Variants in LONRF2 observed in about 807,000 individuals in gnomAD.
The protein encoded by LONRF2 is LON peptidase N-terminal domain and ring finger 2, also known as LON peptidase N-terminal domain and RING finger protein 2.
In LONRF2, 35 loss-of-function variants were observed where a neutral mutation model predicts 66.6. That is an observed-to-expected ratio of 0.53 (90% confidence interval 0.40 to 0.70). The LOEUF (loss-of-function observed/expected upper bound fraction) is 0.70. Among genes scored for constraint, LONRF2 ranks in the 30% least tolerant of loss-of-function variants. LONRF2 has a pLI of 0.00. For missense variants in LONRF2, 902 were observed against 1,002.1 expected, an observed-to-expected ratio of 0.90 and a Z score of 1.35; for synonymous variants, 417 against 418.1, an observed-to-expected ratio of 1.00 and a Z score of 0.03.
At chr2:100,295,797 T>C (rs1489177988) in intron 7 of LONRF2, among the ~76,000 whole-genome samples, 1 of 152,146 alleles carries the variant, frequency 6.6e-6, no homozygotes, top group Non-Finnish European at 1.5e-5. Context: ...TGACAGCATC[T>C]ACATTTTCAA....
Position 100,299,601 on chromosome 2 carries a change from T to C in LONRF2, c.1267+116A>G. On this transcript the variant is annotated intron_variant, in intron 5 of 11. Coordinates refer to ENST00000393437, the MANE Select transcript of LONRF2 (RefSeq NM_198461.4). ...ATGCTCTATAATCTTAGAGCTGATA[T>C]AATCATTTCATTACTAATATTAAAT... The C allele has an allele frequency of 6.4e-6, 5 of 784,808 alleles. No individual in the cohort carries two copies. The South Asian group carries it at 9.9e-5, about 15-fold the overall frequency. 48.6% of individuals were successfully genotyped at this position (784,808 alleles called of 1,614,324 possible). A position where few individuals can be genotyped will look rare whatever the true frequency, so the allele number is the denominator to read the frequency against.
chr2:100,280,195 G>A lies in LONRF2; in HGVS notation c.*4103C>T, dbSNP rs1054291191. On this transcript the variant is annotated 3_prime_UTR_variant, in exon 12 of 12. Coordinates refer to ENST00000393437, the MANE Select transcript of LONRF2 (RefSeq NM_198461.4). ...AGTTGAGAAGTGAAAGTCAAGGTGA[G>A]GCTGAGGTGAGGAGTTGTAAAGGGA... 3.9e-5 allele frequency: 6 copies of A among 152,192 alleles called. No homozygotes were observed. The highest frequency in any genetic ancestry group is 1.2e-4 in the African/African-American group (5 of 41,430). The allele number at this position is 152,192 out of a possible 1,614,324, so 9.4% of individuals were successfully genotyped here.
At chr2:100,301,214 T>C (rs980360198) in intron 3 of LONRF2, among the ~76,000 whole-genome samples, 4 of 152,158 alleles carry the variant, frequency 2.6e-5, no homozygotes, top group Admixed American at 2.6e-4. Context: ...ACCCACCTCG[T>C]AAAGAACTTT....
intron 1 of LONRF2, among the ~76,000 whole-genome samples, chr2:100,316,262 C>T (rs997055564): frequency 1.7e-4 from 23 of 138,442 alleles, no homozygotes; most frequent in African/African-American, 5.6e-4. Context: ...GAGCTTGCAG[C>T]GTGCTGAGAT....
intron 11 of LONRF2, among the ~76,000 whole-genome samples, chr2:100,285,956 T>C (rs573650946): frequency 1.9e-4 from 29 of 152,280 alleles, no homozygotes; most frequent in African/African-American, 6.3e-4. Flanking sequence ...CAACAACTCC[T>C]AGGAAAAAGA....
rs1247946632 is a variant in LONRF2, at chr2:100,322,007, C to T, written c.87G>A (p.Glu29=). 8 of 1,439,518 alleles carry T rather than the reference C, an allele frequency of 5.6e-6. No individual in the cohort carries two copies. In the African/African-American group the frequency reaches 8.8e-5, roughly 16 times the overall value. 89.2% of individuals were successfully genotyped at this position (1,439,518 alleles called of 1,614,324 possible). Residue 29 remains glutamate (E), a synonymous_variant, in exon 1 of 12, where the codon GAG becomes GAA. Coordinates refer to ENST00000393437, the MANE Select transcript of LONRF2 (RefSeq NM_198461.4). ...RAEPIAQRLE[E]GDEAFRAGDY... is the part of the protein sequence containing the mutation. ...CGCCCGCGCGGAAGGCCTCGTCGCC[C>T]TCCTCTAAGCGCTGGGCGATCGGCT...
chr2:100,305,896 T>C (rs553490800), intron 2 of LONRF2, among the ~76,000 whole-genome samples: 17 of 152,246 alleles, frequency 1.1e-4, no homozygotes, highest in African/African-American at 3.9e-4. Context: ...TTGTTATTAT[T>C]ATTATTTTTT....
At position 100,284,503 on chromosome 2, in the gene LONRF2, G is replaced by T; in HGVS notation, c.2071-11C>A. The stretch of plus-strand genomic sequence containing the variant: ...GCCGCTGGGATTACTCTGCAAAAGA[G>T]ATGAGGGGAAAGCAAGGTTAACACT... On this transcript the variant is annotated splice_polypyrimidine_tract_variant and intron_variant, in intron 11 of 11. Coordinates refer to ENST00000393437, the MANE Select transcript of LONRF2 (RefSeq NM_198461.4). 6.5e-7 allele frequency: 1 copy of T among 1,543,636 alleles called. No individual in the cohort carries two copies. The highest frequency in any genetic ancestry group is 1.2e-5 in the South Asian group (1 of 81,014).
At chr2:100,299,646 T>A in intron 5 of LONRF2, 71 bp downstream of exon 5, 1 of 1,205,994 alleles carries the variant, frequency 8.3e-7, no homozygotes, top group East Asian at 2.4e-5. Context: ...ATTTAAAAAA[T>A]ATATTGAATA....
At chr2:100,295,617 G>A in intron 7 of LONRF2, 64 bp from the exon 8 acceptor site, 1 of 1,523,626 alleles carries the variant, frequency 6.6e-7, no homozygotes, top group Non-Finnish European at 8.9e-7. Context: ...AAGCTTCCGA[G>A]TGGAAAGGTG....
chr2:100,284,540 C>G, intron 11 of LONRF2, 48 bp from the exon 12 acceptor site: 9 of 1,432,712 alleles, frequency 6.3e-6, no homozygotes, highest in Non-Finnish European at 8.3e-6. Flanking sequence ...GAAATGCAAG[C>G]CTGTTCCCCA....
chr2:100,319,662 A>G (rs13391540), intron 1 of LONRF2, among the ~76,000 whole-genome samples: 13,932 of 152,214 alleles, frequency 0.092, 2,118 homozygotes, highest in African/African-American at 0.32. Flanking sequence ...ATTTGTCCAC[A>G]TTGTAGTTTG....
chr2:100,288,059 G>T (rs1674882810), intron 10 of LONRF2, among the ~76,000 whole-genome samples: 1 of 152,134 alleles, frequency 6.6e-6, no homozygotes, highest in Non-Finnish European at 1.5e-5. Context: ...ATTTCATGTT[G>T]TAGCTATTTA....
At chr2:100,319,329 G>A (rs2104220914) in intron 1 of LONRF2, among the ~76,000 whole-genome samples, 1 of 152,192 alleles carries the variant, frequency 6.6e-6, no homozygotes, top group African/African-American at 2.4e-5. Flanking sequence ...TACTGAAATA[G>A]CCTATTTTAA....
In LONRF2 at chr2:100,321,775, C is replaced by A. The variant is rs1162282386; in HGVS notation, c.319G>T (p.Gly107Cys). The A allele has an allele frequency of 9.6e-7, 1 of 1,043,256 alleles. No individual in the cohort carries two copies. The highest frequency in any genetic ancestry group is 4.2e-5 in the South Asian group (1 of 23,582). The allele number at this position is 1,043,256 out of a possible 1,614,324, so 64.6% of individuals were successfully genotyped here. A position where few individuals can be genotyped will look rare whatever the true frequency, so the allele number is the denominator to read the frequency against. ...GCGGACAGCGGCCGGTCGCGCAGGCCCACGGCGCGCACCAGGCCGCCCGCC... is the reference window on the plus strand; with the variant it reads ...GCGGACAGCGGCCGGTCGCGCAGGCACACGGCGCGCACCAGGCCGCCCGCC... ...ELAGGLVRAV[G>C]LRDRPLSAEN... The change falls in exon 1 of 12, where the codon GGC becomes TGC. Residue 107 changes from glycine to cysteine, a missense_variant. Gly to Cys is a radical substitution (Grantham distance 159). This residue lies in a region of LONRF2 where 585 missense variants were observed against 569.9 expected (regional missense o/e 1.03). Coordinates refer to ENST00000393437, the MANE Select transcript of LONRF2 (RefSeq NM_198461.4).
chr2:100,288,666 TC>T (rs1674895171), intron 10 of LONRF2, among the ~76,000 whole-genome samples: 2 of 152,226 alleles, frequency 1.3e-5, no homozygotes, highest in Non-Finnish European at 2.9e-5. Flanking sequence ...TTTTCTGACT[TC>T]TGTCCCCAGA....
rs1185417236 is a variant in LONRF2, at chr2:100,273,828, C to G, written c.*10470G>C. Reference sequence around the variant, plus strand: ...ATTTCACAACTCTAAAATTAAGATGCTAATGACACCACTCTCCACTAGCAT... The same window carrying G: ...ATTTCACAACTCTAAAATTAAGATGGTAATGACACCACTCTCCACTAGCAT... On this transcript the variant is annotated 3_prime_UTR_variant, in exon 12 of 12. Transcript: ENST00000393437. The G allele has an allele frequency of 6.6e-6, 1 of 152,168 alleles. No homozygotes were observed. The highest frequency in any genetic ancestry group is 2.4e-5 in the African/African-American group (1 of 41,430). The allele number at this position is 152,168 out of a possible 1,614,324, so 9.4% of individuals were successfully genotyped here.
chr2:100,300,865 G>C (rs1675172534), intron 3 of LONRF2, 78 bp from the exon 4 acceptor site: 4 of 1,181,608 alleles, frequency 3.4e-6, no homozygotes, highest in Admixed American at 3.6e-5. Flanking sequence ...TATAGATTCA[G>C]AGGAAACTAA....
rs1277231074 is a variant in LONRF2 at position 100,278,112 on chromosome 2, T to G, written c.*6186A>C. On this transcript the variant is annotated 3_prime_UTR_variant, in exon 12 of 12. Coordinates refer to ENST00000393437, the MANE Select transcript of LONRF2 (RefSeq NM_198461.4). ...CTCCTCAAACAACTCCATTTCAAAT[T>G]CTGGTCTGCAAACAGACCCCGAAAT... 6.6e-6 allele frequency: 1 copy of G among 152,136 alleles called. No homozygotes were observed. The highest frequency in any genetic ancestry group is 2.4e-5 in the African/African-American group (1 of 41,434). The allele number at this position is 152,136 out of a possible 1,614,324, so 9.4% of individuals were successfully genotyped here. A position where few individuals can be genotyped will look rare whatever the true frequency, so the allele number is the denominator to read the frequency against.
Sources: gnomAD v4.1 joint callset for allele counts (sites outside exome capture counted in the v4.1 genomes callset) on GRCh38, gnomAD v4.1.1 for gene constraint, gnomAD v4.1.1 regional missense constraint, MANE v1.5 for transcripts, NCBI Gene and HGNC (gene_info 2026-07-23, HGNC 2026-07-21) for gene names.